Variants in SUGCT observed in about 807,000 individuals in gnomAD.
SUGCT encodes the protein succinyl-CoA:glutarate CoA-transferase.
Under a neutral mutation model 55.0 loss-of-function variants are expected in SUGCT, and 41 were observed. That is an observed-to-expected ratio of 0.74 (90% CI 0.58 to 0.97). SUGCT has a LOEUF of 0.97. SUGCT is among the 50% of genes least tolerant of loss of function. The pLI, the probability that SUGCT is intolerant of heterozygous loss-of-function variation, is 0.00. For missense variants in SUGCT, 568 were observed against 547.8 expected (o/e 1.04, Z -0.37); for synonymous variants, 187 against 200.4 (o/e 0.93, Z 0.56).
intron 13 of SUGCT, among the ~76,000 whole-genome samples, chr7:40,787,660 CAAAAAAAAAAAAAA>C (rs55764379): frequency 4.1e-5 from 2 of 48,416 alleles, no homozygotes; most frequent in African/African-American, 1.2e-4. Context: ...AAATTTTGAC[CAAAAAAAAAAAAAA>C]AAAAAAAAAA....
At chr7:40,963,018 C>A in the SUGCT span, among the ~76,000 whole-genome samples, 1 of 152,180 alleles carries the variant, frequency 6.6e-6, no homozygotes, top group Non-Finnish European at 1.5e-5. Context: ...TAAGCATCAA[C>A]TACACCTTTT....
intron 9 of SUGCT, among the ~76,000 whole-genome samples, chr7:40,389,729 A>G (rs1395346096): frequency 6.6e-6 from 1 of 152,218 alleles, no homozygotes; most frequent in Non-Finnish European, 1.5e-5. Context: ...ATAGTGGCAA[A>G]GTAATTTCAA....
intron 8 of SUGCT, among the ~76,000 whole-genome samples, chr7:40,283,252 G>A (rs1793089903): frequency 2.7e-5 from 4 of 149,354 alleles, no homozygotes; most frequent in South Asian, 2.1e-4. Context: ...TTTTTGAGAC[G>A]GAGTCTTGCT....
chr7:40,459,531 T>A (rs1562792900), intron 11 of SUGCT, among the ~76,000 whole-genome samples: 1 of 152,232 alleles, frequency 6.6e-6, no homozygotes, highest in Non-Finnish European at 1.5e-5. Flanking sequence ...ACAATAATAA[T>A]TTAACATTAT....
At chr7:40,756,449 T>C (rs1788256927) in intron 13 of SUGCT, among the ~76,000 whole-genome samples, 1 of 152,214 alleles carries the variant, frequency 6.6e-6, no homozygotes, top group Admixed American at 6.5e-5. Context: ...GTAACTGCCT[T>C]GTATTTTCCA....
intron 13 of SUGCT, among the ~76,000 whole-genome samples, chr7:40,760,566 A>G (rs1016065547): frequency 2.6e-5 from 4 of 152,218 alleles, no homozygotes; most frequent in Non-Finnish European, 4.4e-5. Context: ...ACTAAAGTGT[A>G]CGCTTAAAAA....
chr7:40,931,222 A>G, the SUGCT span, among the ~76,000 whole-genome samples: 3 of 152,172 alleles, frequency 2.0e-5, no homozygotes, highest in Admixed American at 1.3e-4. Flanking sequence ...GATGGATTAC[A>G]TTTATTGATT....
intron 12 of SUGCT, among the ~76,000 whole-genome samples, chr7:40,515,722 T>C (rs1460829533): frequency 6.6e-6 from 1 of 152,212 alleles, no homozygotes; most frequent in Non-Finnish European, 1.5e-5. Context: ...TTATCTGTTA[T>C]AGGCATTTGT....
intron 7 of SUGCT, among the ~76,000 whole-genome samples, chr7:40,262,475 C>T (rs1791282504): frequency 6.9e-6 from 1 of 145,264 alleles, no homozygotes. Context: ...ATGGTGAAAC[C>T]CCCGTCTCTA....
chr7:40,497,266 A>G (rs1792033915), intron 12 of SUGCT, among the ~76,000 whole-genome samples: 1 of 152,182 alleles, frequency 6.6e-6, no homozygotes, highest in African/African-American at 2.4e-5. Context: ...ATTACTGAGC[A>G]TAGAATACAC....
At chr7:40,340,732 G>A (rs1453870061) in intron 9 of SUGCT, among the ~76,000 whole-genome samples, 3 of 152,106 alleles carry the variant, frequency 2.0e-5, no homozygotes, top group African/African-American at 7.2e-5. Flanking sequence ...AGCACAAAAA[G>A]GACTGCAATT....
chr7:40,195,342 C>T (rs571464122), intron 6 of SUGCT, among the ~76,000 whole-genome samples: 87 of 151,520 alleles, frequency 5.7e-4, no homozygotes, highest in Non-Finnish European at 4.4e-5. Context: ...CTGCCTTAGC[C>T]TCCTGAGTAG....
the SUGCT span, among the ~76,000 whole-genome samples, chr7:40,935,829 C>A: frequency 6.6e-6 from 1 of 152,086 alleles, no homozygotes; most frequent in East Asian, 1.9e-4. Flanking sequence ...AAGCTATTTT[C>A]CAAACAGGCT....
chr7:40,811,183 T>G (rs1253548244), intron 13 of SUGCT, among the ~76,000 whole-genome samples: 2 of 152,194 alleles, frequency 1.3e-5, no homozygotes, highest in Non-Finnish European at 2.9e-5. Flanking sequence ...TAATATAGTT[T>G]GAAGTCACGT....
At chr7:40,980,724 A>T in the SUGCT span, among the ~76,000 whole-genome samples, 1 of 152,068 alleles carries the variant, frequency 6.6e-6, no homozygotes, top group African/African-American at 2.4e-5. Flanking sequence ...TTTTAGATGG[A>T]GTCTCACTGT....
chr7:40,459,259 TG>T (rs1344714555), intron 11 of SUGCT, 61 bp downstream of exon 11: 1 of 1,061,598 alleles, frequency 9.4e-7, no homozygotes, highest in Non-Finnish European at 1.4e-6. Flanking sequence ...ATTTATCTGG[TG>T]TTTTATATGT....
chr7:40,805,563 T>C (rs1791047250), intron 13 of SUGCT, among the ~76,000 whole-genome samples: 1 of 152,210 alleles, frequency 6.6e-6, no homozygotes, highest in Admixed American at 6.5e-5. Flanking sequence ...AAAGCAGACA[T>C]GAAAAATTTT....
the SUGCT span, among the ~76,000 whole-genome samples, chr7:41,015,976 G>A: frequency 2.6e-5 from 4 of 152,202 alleles, no homozygotes; most frequent in African/African-American, 4.8e-5. Context: ...CATGGTTACT[G>A]CATTCAGCGA....
the SUGCT span, among the ~76,000 whole-genome samples, chr7:40,904,576 G>A: frequency 1.3e-5 from 2 of 152,186 alleles, no homozygotes; most frequent in African/African-American, 4.8e-5. Context: ...TGTTTAACAG[G>A]GACAGAGTTT....
Sources: gnomAD v4.1 joint callset for allele counts (sites outside exome capture counted in the v4.1 genomes callset) on GRCh38, gnomAD v4.1.1 for gene constraint, MANE v1.5 for transcripts, NCBI Gene and HGNC (gene_info 2026-07-23, HGNC 2026-07-21) for gene names.